The following MYO3A variants were observed in gnomAD, a reference collection of about 807,000 sequenced individuals.
MYO3A encodes the protein myosin-IIIa.
In MYO3A, 180 loss-of-function variants were observed where a neutral mutation model predicts 192.7. The ratio of observed to expected loss-of-function variants is 0.93; its 90% CI spans 0.83 to 1.06. The LOEUF is 1.06. Among genes scored for constraint, MYO3A ranks in the 50% least tolerant of loss-of-function variants. MYO3A has a pLI of 0.00. For synonymous variants in MYO3A, 628 were observed against 645.3 expected (o/e 0.97, Z 0.41); for missense variants, 1,896 against 1,905.0 (o/e 1.00, Z 0.09).
At chr10:25,992,310 C>CTGTT (rs531108416) in intron 4 of MYO3A, among the ~76,000 whole-genome samples, 20 of 150,962 alleles carry the variant, frequency 1.3e-4, no homozygotes, top group African/African-American at 2.4e-4. Flanking sequence ...ATTTGGCTCT[C>CTGTT]TGTCTGTGAT....
intron 27 of MYO3A, among the ~76,000 whole-genome samples, chr10:26,168,190 C>T (rs1841857815): frequency 6.6e-6 from 1 of 152,138 alleles, no homozygotes; most frequent in Non-Finnish European, 1.5e-5. Context: ...ATACCAGCCC[C>T]AAAGGACAGT....
intron 17 of MYO3A, among the ~76,000 whole-genome samples, chr10:26,119,144 T>C (rs1457377324): frequency 6.6e-6 from 1 of 152,182 alleles, no homozygotes; most frequent in Non-Finnish European, 1.5e-5. Flanking sequence ...AACTTCCTGA[T>C]GGCCTCCTCC....
chr10:26,111,309 G>A (rs546433384), intron 17 of MYO3A, among the ~76,000 whole-genome samples: 4 of 152,136 alleles, frequency 2.6e-5, no homozygotes, highest in African/African-American at 9.7e-5. Flanking sequence ...TGAGCTAGGG[G>A]CACACTCCAA....
intron 31 of MYO3A, among the ~76,000 whole-genome samples, chr10:26,184,041 G>C (rs1302759292): frequency 1.3e-5 from 2 of 152,178 alleles, no homozygotes; most frequent in Admixed American, 1.3e-4. Context: ...AACATAACAA[G>C]ACCCCATCTC....
chr10:25,981,957 C>T (rs756188764), intron 4 of MYO3A, among the ~76,000 whole-genome samples: 1 of 152,170 alleles, frequency 6.6e-6, no homozygotes, highest in Non-Finnish European at 1.5e-5. Context: ...TGTGAGTCTG[C>T]TTGCTTTCTC....
In MYO3A at chr10:26,081,141, C is replaced by CCTT. The variant is rs1554820903; in HGVS notation, c.1360-7061_1360-7060insTTC. On this transcript the variant is annotated intron_variant, in intron 14 of 34. Coordinates refer to ENST00000642920, the MANE Select transcript of MYO3A (RefSeq NM_017433.5). ...CCAAGATTATATGCCCTTCCCCCCC[C>CCTT]CCCCGCCCCCGCTACCAGGGTGGGT... 6.4e-4 allele frequency among the ~76,000 whole-genome samples: 66 copies of CCTT among 103,242 alleles called. 6 individuals are homozygous for CCTT. Among genetic ancestry groups the CCTT allele is most frequent in the African/African-American group, 1.8e-3 (55 of 30,166 alleles). 67.7% of individuals were successfully genotyped at this position (103,242 alleles called of 152,430 possible).
chr10:26,112,356 G>T (rs1005183533), intron 17 of MYO3A, among the ~76,000 whole-genome samples: 3 of 152,150 alleles, frequency 2.0e-5, no homozygotes, highest in Non-Finnish European at 4.4e-5. Context: ...AACTGTCCCA[G>T]TTTGGATTTG....
chr10:26,046,310 T>C (rs998213587), intron 10 of MYO3A, among the ~76,000 whole-genome samples: 3 of 152,180 alleles, frequency 2.0e-5, no homozygotes, highest in Non-Finnish European at 1.5e-5. Context: ...GGTCTATTGG[T>C]GTCTGTTGCA....
intron 6 of MYO3A, among the ~76,000 whole-genome samples, chr10:26,003,280 C>T (rs1345988741): frequency 1.3e-5 from 2 of 152,190 alleles, no homozygotes; most frequent in African/African-American, 4.8e-5. Flanking sequence ...CAGTGCTATA[C>T]ACATAGTAGG....
chr10:25,965,949 GTT>G (rs925416760), intron 4 of MYO3A, among the ~76,000 whole-genome samples: 23 of 145,436 alleles, frequency 1.6e-4, no homozygotes, highest in South Asian at 1.5e-3. Context: ...ATTCAGAACT[GTT>G]TTTTTTTTTC....
intron 10 of MYO3A, among the ~76,000 whole-genome samples, chr10:26,060,312 A>C (rs1834383173): frequency 6.6e-6 from 1 of 150,918 alleles, no homozygotes; most frequent in African/African-American, 2.4e-5. Context: ...TTTAAAAAAT[A>C]CAAAAATTAG....
At chr10:25,997,087 A>G (rs748344264) in intron 5 of MYO3A, 72 bp from the exon 6 acceptor site, 4 of 1,135,780 alleles carry the variant, frequency 3.5e-6, no homozygotes, top group Non-Finnish European at 5.3e-6. Flanking sequence ...GATTTTGTAC[A>G]GGTACATCAT....
intron 26 of MYO3A, among the ~76,000 whole-genome samples, chr10:26,159,890 C>T (rs895562821): frequency 1.3e-5 from 2 of 151,928 alleles, no homozygotes; most frequent in Non-Finnish European, 2.9e-5. Flanking sequence ...TTACTTCCTA[C>T]AGATCAGACA....
intron 18 of MYO3A, among the ~76,000 whole-genome samples, chr10:26,123,995 G>A (rs1043939277): frequency 1.3e-5 from 2 of 151,658 alleles, no homozygotes; most frequent in Non-Finnish European, 2.9e-5. Context: ...GCCAGCCTGG[G>A]CAACATGGCG....
chr10:26,036,733 C>G (rs1278068662), intron 10 of MYO3A, among the ~76,000 whole-genome samples: 1 of 152,176 alleles, frequency 6.6e-6, no homozygotes, highest in Non-Finnish European at 1.5e-5. Flanking sequence ...CCCTGTGGAT[C>G]CACCCATACT....
At chr10:26,014,237 A>G (rs546066984) in intron 6 of MYO3A, among the ~76,000 whole-genome samples, 2 of 152,248 alleles carry the variant, frequency 1.3e-5, no homozygotes, top group Admixed American at 6.5e-5. Context: ...TAATTCATTC[A>G]TGTAACAAAT....
Position 26,104,114 on chromosome 10 carries a change from CA to C in MYO3A, c.1776+7446del, listed in dbSNP as rs74639975. 8.0e-3 allele frequency among the ~76,000 whole-genome samples: 1,149 copies of C among 144,454 alleles called. 2 individuals carry two copies. The highest frequency in any genetic ancestry group is 0.011 in the Non-Finnish European group (694 of 65,878). The allele number at this position is 144,454 out of a possible 152,430, so 94.8% of individuals were successfully genotyped here. ...AGCCCCTTATCAGATGTCTGATTTG[CA>C]AAAAAAAAAAAAATTATAGTATTTG... On this transcript the variant is annotated intron_variant, in intron 17 of 34. Coordinates refer to ENST00000642920, the MANE Select transcript of MYO3A (RefSeq NM_017433.5).
intron 6 of MYO3A, among the ~76,000 whole-genome samples, chr10:26,007,475 A>G (rs1841303351): frequency 6.6e-6 from 1 of 151,410 alleles, no homozygotes; most frequent in Non-Finnish European, 1.5e-5. Context: ...TTGTATATCT[A>G]GAAAACCCCA....
chr10:26,050,123 T>C (rs1370991066), intron 10 of MYO3A, among the ~76,000 whole-genome samples: 1 of 152,126 alleles, frequency 6.6e-6, no homozygotes, highest in Non-Finnish European at 1.5e-5. Context: ...CTTTTATAAT[T>C]AGATAAAAGA....
Sources: allele counts gnomAD v4.1 joint callset (sites outside exome capture counted in the v4.1 genomes callset), GRCh38; gene constraint gnomAD v4.1.1; transcripts MANE v1.5; gene names NCBI Gene and HGNC (gene_info 2026-07-23, HGNC 2026-07-21).